FRZB: variants seen among roughly 807,000 people sequenced by gnomAD.
FRZB encodes secreted frizzled-related protein 3.
In FRZB, 34 loss-of-function variants were observed where a neutral mutation model predicts 32.5. The observed-to-expected ratio is 1.05, with a 90% CI of 0.80 to 1.39. The LOEUF (loss-of-function observed/expected upper bound fraction) is 1.39. FRZB is among the 40% of genes most tolerant of loss of function. The pLI, the probability that FRZB is intolerant of heterozygous loss-of-function variation, is 0.00. For missense variants in FRZB, 423 were observed against 424.8 expected (o/e 1.00, Z 0.04); for synonymous variants, 170 against 159.2 (o/e 1.07, Z -0.51).
At chr2:182,856,014 A>G (rs1695764222) in intron 2 of FRZB, among the ~76,000 whole-genome samples, 1 of 152,166 alleles carries the variant, frequency 6.6e-6, no homozygotes, top group African/African-American at 2.4e-5. Flanking sequence ...ATGTACTGCA[A>G]ACCTAGAATT....
rs139802041 is a variant in FRZB, at chr2:182,838,453, A to G, written c.753T>C (p.Asn251=). Residue 251 remains asparagine (N), a synonymous_variant, in exon 4 of 6, where the codon AAT becomes AAC. Coordinates refer to ENST00000295113, the MANE Select transcript of FRZB (RefSeq NM_001463.4). The stretch of plus-strand genomic sequence containing the variant: ...CATAGCCCATGATGATATATTCCTC[A>G]TTAACATTAAGTGGAGGGCAGAGGC... ...SGCLCPPLNV[N]EEYIIMGYED... 3.1e-5 allele frequency: 50 copies of G among 1,612,902 alleles called. 1 individual carries two copies. The East Asian group carries it at 7.1e-4, about 23-fold the overall frequency.
At chr2:182,863,018 C>A (rs1170776831) in intron 1 of FRZB, among the ~76,000 whole-genome samples, 2 of 152,180 alleles carry the variant, frequency 1.3e-5, no homozygotes, top group Non-Finnish European at 2.9e-5. Flanking sequence ...GATCCACCCG[C>A]CTCGGCCTTC....
In FRZB at chr2:182,833,969, T is replaced by TAG. The variant is rs1695495534; in HGVS notation, c.*879_*880insCT. On this transcript the variant is annotated 3_prime_UTR_variant, in exon 6 of 6. Coordinates refer to ENST00000295113, the MANE Select transcript of FRZB (RefSeq NM_001463.4). ...GCATACATAATCTTTTCCTGGTCAA[T>TAG]ACGGCAATTCTGATTTATTTTAAAA... 6.6e-6 allele frequency: 1 copy of TAG among 151,982 alleles called. No homozygotes were observed. Among genetic ancestry groups the TAG allele is most frequent in the Non-Finnish European group, 1.5e-5 (1 of 67,976 alleles). 9.4% of individuals were successfully genotyped at this position (151,982 alleles called of 1,614,324 possible). A position where few individuals can be genotyped will look rare whatever the true frequency, so the allele number is the denominator to read the frequency against.
In FRZB at chr2:182,836,854, T is replaced by TCTAC. The variant is rs1488595180; in HGVS notation, c.861+1090_861+1093dup. Among the ~76,000 whole-genome samples the TCTAC allele has an allele frequency of 6.6e-5, 10 of 152,082 alleles. No homozygotes were observed. The South Asian group carries it at 2.1e-3, about 32-fold the overall frequency. ...TGAAATGCATCTCCCTTTTGACAAA[T>TCTAC]CTACTAAAGGGGAGAAGAACTTACT... On this transcript the variant is annotated intron_variant, in intron 5 of 5. Coordinates refer to ENST00000295113, the MANE Select transcript of FRZB (RefSeq NM_001463.4).
intron 2 of FRZB, among the ~76,000 whole-genome samples, chr2:182,854,725 A>G (rs1478539977): frequency 6.6e-6 from 1 of 152,190 alleles, no homozygotes; most frequent in African/African-American, 2.4e-5. Context: ...AGACTGGGGC[A>G]AATCCCCATT....
At chr2:182,863,006 G>C (rs1046358417) in intron 1 of FRZB, among the ~76,000 whole-genome samples, 39 of 152,256 alleles carry the variant, frequency 2.6e-4, no homozygotes, top group Admixed American at 1.8e-3. Context: ...CTGACCTCAA[G>C]TGATCCACCC....
At chr2:182,854,180 G>A (rs2105760814) in intron 2 of FRZB, among the ~76,000 whole-genome samples, 1 of 152,260 alleles carries the variant, frequency 6.6e-6, no homozygotes, top group African/African-American at 2.4e-5. Context: ...TGGAGTGCTG[G>A]TAATGTTACA....
In FRZB at chr2:182,858,832, A is replaced by G. The variant is rs1695799299; in HGVS notation, c.480T>C (p.Asp160=). The G allele has an allele frequency of 1.2e-6, 2 of 1,608,470 alleles. No homozygotes were observed. Among genetic ancestry groups the G allele is most frequent in the Non-Finnish European group, 8.5e-7 (1 of 1,176,010 alleles). Residue 160 remains aspartate (D), a splice_region_variant and synonymous_variant, in exon 2 of 6, where the codon GAT becomes GAC. Transcript: ENST00000295113. The stretch of plus-strand genomic sequence containing the variant: ...TTCCGTTACTAGAATCCATAGGAAA[A>G]TCTGAAAGGAGGTGACAGAAAAAAG... The part of the protein sequence containing the change: ...PEAIVTADGA[D]FPMDSSNGNC...
intron 1 of FRZB, among the ~76,000 whole-genome samples, chr2:182,865,378 G>C (rs1695879163): frequency 6.6e-6 from 1 of 152,130 alleles, no homozygotes; most frequent in African/African-American, 2.4e-5. Flanking sequence ...TCTATGGCAA[G>C]CCACAGAAGC....
At chr2:182,844,886 T>C (rs1056188452) in intron 2 of FRZB, among the ~76,000 whole-genome samples, 2 of 152,176 alleles carry the variant, frequency 1.3e-5, no homozygotes, top group African/African-American at 4.8e-5. Flanking sequence ...TTCTTATTTC[T>C]GCTGGTCTCC....
At chr2:182,857,790 T>C (rs1695787306) in intron 2 of FRZB, among the ~76,000 whole-genome samples, 1 of 151,988 alleles carries the variant, frequency 6.6e-6, no homozygotes, top group Admixed American at 6.6e-5. Context: ...GTATCCAGAA[T>C]ATGTAAAGAA....
At position 182,833,293 on chromosome 2, in the gene FRZB, T is replaced by G. The variant is rs753760794; in HGVS notation, c.*1556A>C. The G allele has an allele frequency of 2.0e-5, 3 of 152,200 alleles. No individual in the cohort carries two copies. Among genetic ancestry groups the G allele is most frequent in the Non-Finnish European group, 2.9e-5 (2 of 68,034 alleles). The allele number at this position is 152,200 out of a possible 1,614,324, so 9.4% of individuals were successfully genotyped here. Reference sequence around the variant, plus strand: ...AGCACGATTTTTGCTTCATAAGCATTTTATTTTCAGCACGCCACAGCTTAG... The same window carrying G: ...AGCACGATTTTTGCTTCATAAGCATGTTATTTTCAGCACGCCACAGCTTAG... On this transcript the variant is annotated 3_prime_UTR_variant, in exon 6 of 6. Transcript: ENST00000295113.
At chr2:182,848,360 C>T (rs288249) in intron 2 of FRZB, among the ~76,000 whole-genome samples, 95,217 of 151,824 alleles carry the variant, frequency 0.63, 30,250 homozygotes, top group African/African-American at 0.68. Flanking sequence ...GTTCAGATAG[C>T]CCTTAAAACA....
Position 182,834,115 on chromosome 2 carries a change from T to G in FRZB, c.*734A>C, listed in dbSNP as rs1372052141. On this transcript the variant is annotated 3_prime_UTR_variant, in exon 6 of 6. Transcript: ENST00000295113. ...CATTTCTCTAATGCTGATTAATATATTCATGAACAAATCAAATGTATTGCC... is the reference window on the plus strand; with the variant it reads ...CATTTCTCTAATGCTGATTAATATAGTCATGAACAAATCAAATGTATTGCC... 2 of 152,176 alleles carry G rather than the reference T, an allele frequency of 1.3e-5. No homozygotes were observed. Among genetic ancestry groups the G allele is most frequent in the Non-Finnish European group, 2.9e-5 (2 of 68,034 alleles). The allele number at this position is 152,176 out of a possible 1,614,324, so 9.4% of individuals were successfully genotyped here. A position where few individuals can be genotyped will look rare whatever the true frequency, so the allele number is the denominator to read the frequency against.
intron 2 of FRZB, among the ~76,000 whole-genome samples, chr2:182,845,189 A>G (rs1695626964): frequency 6.6e-6 from 1 of 152,332 alleles, no homozygotes; most frequent in Non-Finnish European, 1.5e-5. Flanking sequence ...ACACACATCA[A>G]CGTACACATC....
rs745833790 is a variant in FRZB at position 182,858,826 on chromosome 2, A to T, written c.486T>A (p.Pro162=). 6.2e-6 allele frequency: 10 copies of T among 1,609,156 alleles called. No homozygotes were observed. In the Admixed American group the frequency reaches 1.7e-4, roughly 27 times the overall value. Residue 162 remains proline (P), a synonymous_variant, in exon 2 of 6, where the codon CCT becomes CCA. Transcript: ENST00000295113. ...TACAGTTTCCGTTACTAGAATCCAT[A>T]GGAAAATCTGAAAGGAGGTGACAGA... ...AIVTADGADF[P]MDSSNGNCRG...
Position 182,866,154 on chromosome 2 carries a change from G to A in FRZB, c.399C>T (p.Asn133=). The change falls in exon 1 of 6, where the codon AAC becomes AAT. Residue 133 remains asparagine, a synonymous_variant. Coordinates refer to ENST00000295113, the MANE Select transcript of FRZB (RefSeq NM_001463.4). This position sits in a 1 kb window ranked among gnomAD's most constrained non-coding sequence, Gnocchi z 4.5. ...LIKYRHSWPE[N]LACEELPVYD... ...ACACTGGCAGCTCCTCGCAGGCCAG[G>A]TTCTCCGGCCACGAGTGGCGGTACT... The A allele has an allele frequency of 1.2e-6, 2 of 1,614,146 alleles. No individual in the cohort carries two copies. The highest frequency in any genetic ancestry group is 1.7e-6 in the Non-Finnish European group (2 of 1,180,012).
intron 2 of FRZB, among the ~76,000 whole-genome samples, chr2:182,849,306 T>C (rs1002344669): frequency 7.2e-5 from 11 of 152,012 alleles, no homozygotes; most frequent in Non-Finnish European, 1.6e-4. Flanking sequence ...TGGATGATGG[T>C]TACATAAATA....
Position 182,838,391 on chromosome 2 carries a change from C to T in FRZB, c.797+18G>A, listed in dbSNP as rs1559046218. The T allele has an allele frequency of 1.3e-6, 2 of 1,584,682 alleles. No individual in the cohort carries two copies. Among genetic ancestry groups the T allele is most frequent in the Non-Finnish European group, 1.7e-6 (2 of 1,154,106 alleles). On this transcript the variant is annotated intron_variant, in intron 4 of 5. Transcript: ENST00000295113. ...GATAAGCAAAGTAGTTATTCTGTAT[C>T]CTTAAAGAGTGAATTACCTGGAACG...
Sources: allele counts gnomAD v4.1 joint callset (sites outside exome capture counted in the v4.1 genomes callset), GRCh38; gene constraint gnomAD v4.1.1; non-coding constraint Gnocchi (gnomAD v3.1); transcripts MANE v1.5; gene names NCBI Gene and HGNC (gene_info 2026-07-23, HGNC 2026-07-21).